Variants in CACNG5 observed in about 807,000 individuals in gnomAD.
CACNG5 encodes the protein calcium voltage-gated channel auxiliary subunit gamma 5, also known as voltage-dependent calcium channel gamma-5 subunit.
In CACNG5, 18 loss-of-function variants were observed where a neutral mutation model predicts 24.8. The observed-to-expected ratio is 0.73, with a 90% CI of 0.50 to 1.08. CACNG5 has a LOEUF of 1.08. Ranked by LOEUF, CACNG5 falls within the 50% of genes least tolerant of loss-of-function variation. The pLI, the probability that CACNG5 is intolerant of heterozygous loss-of-function variation, is 0.00. For missense variants in CACNG5, 349 were observed against 367.9 expected, an observed-to-expected ratio of 0.95 and a Z score of 0.42; for synonymous variants, 157 against 149.1, an observed-to-expected ratio of 1.05 and a Z score of -0.39.
At chr17:66,861,203 T>C (rs117958100) in intron 1 of CACNG5, among the ~76,000 whole-genome samples, 3,483 of 152,246 alleles carry the variant, frequency 0.023, 54 homozygotes, top group Non-Finnish European at 0.036. Context: ...CCAAGCTGTA[T>C]TGAAGTAAGG....
At chr17:66,856,255 G>A (rs145545536) in intron 1 of CACNG5, among the ~76,000 whole-genome samples, 106 of 152,352 alleles carry the variant, frequency 7.0e-4, no homozygotes, top group African/African-American at 2.4e-3. Flanking sequence ...CTTTCCAAAA[G>A]AGTGAAATAC....
intron 1 of CACNG5, among the ~76,000 whole-genome samples, chr17:66,854,346 T>A (rs1598049310): frequency 6.6e-6 from 1 of 150,932 alleles, no homozygotes; most frequent in Admixed American, 6.6e-5. Context: ...GAGAATGGCG[T>A]GAACCTGGGA....
At chr17:66,875,797 C>T (rs1012392860) in intron 1 of CACNG5, among the ~76,000 whole-genome samples, 1 of 152,194 alleles carries the variant, frequency 6.6e-6, no homozygotes, top group African/African-American at 2.4e-5. Flanking sequence ...TTGCAAGGTG[C>T]CAGTGAAAGA....
rs550467482 is a variant in CACNG5 at position 66,886,923 on chromosome 17, C to T, written c.*1683C>T. Among the ~76,000 whole-genome samples the T allele has an allele frequency of 2.6e-4, 40 of 152,282 alleles. 1 individual carries two copies. Among genetic ancestry groups the T allele is most frequent in the East Asian group, 1.5e-3 (8 of 5,174 alleles). On this transcript the variant is annotated 3_prime_UTR_variant, in exon 6 of 6. Coordinates refer to ENST00000533854, the MANE Select transcript of CACNG5 (RefSeq NM_145811.3). ...TGTGTCCTCATGTGGTCTGTGTGCC[C>T]GTGTCCCTGGTGTCCCTCAGTGTGT...
At position 66,888,411 on chromosome 17, in the gene CACNG5, G is replaced by T. The variant is rs532207430; in HGVS notation, c.*3171G>T. ...TACAAAAAATTAGCTGGGCGTGGTG[G>T]TGGGAGCCTGTAGTCCCAGCTACTT... On this transcript the variant is annotated 3_prime_UTR_variant, in exon 6 of 6. Transcript: ENST00000533854. 6.6e-6 allele frequency among the ~76,000 whole-genome samples: 1 copy of T among 151,780 alleles called. No individual in the cohort carries two copies. The highest frequency in any genetic ancestry group is 1.9e-4 in the East Asian group (1 of 5,130).
chr17:66,836,224 C>T (rs1976481456), intron 1 of CACNG5, among the ~76,000 whole-genome samples: 1 of 152,164 alleles, frequency 6.6e-6, no homozygotes, highest in African/African-American at 2.4e-5. Context: ...TGGGTTAGAG[C>T]AGGACCCAGG....
chr17:66,862,477 G>A (rs17712145), intron 1 of CACNG5, among the ~76,000 whole-genome samples: 17,433 of 151,844 alleles, frequency 0.11, 1,101 homozygotes, highest in Admixed American at 0.15. Context: ...GTGTGTATGC[G>A]AAAGTGCACA....
At chr17:66,869,873 A>G (rs1976978758) in intron 1 of CACNG5, among the ~76,000 whole-genome samples, 1 of 152,038 alleles carries the variant, frequency 6.6e-6, no homozygotes, top group African/African-American at 2.4e-5. Flanking sequence ...CACGAGGTCA[A>G]GAGATTGAGA....
intron 1 of CACNG5, among the ~76,000 whole-genome samples, chr17:66,867,654 G>A (rs1976948976): frequency 6.6e-6 from 1 of 152,154 alleles, no homozygotes; most frequent in African/African-American, 2.4e-5. Context: ...TGTATAAGGT[G>A]TAAGGAAGGG....
chr17:66,889,370 G>T lies in CACNG5; in HGVS notation c.*4130G>T, dbSNP rs532274972. Among the ~76,000 whole-genome samples, 19 of 152,160 alleles carry T rather than the reference G, an allele frequency of 1.2e-4. No homozygotes were observed. Among genetic ancestry groups the T allele is most frequent in the Admixed American group, 2.0e-4 (3 of 15,278 alleles). The stretch of plus-strand genomic sequence containing the variant: ...GGGCTGCATGCAGAGCTGGGGTGGG[G>T]GCGTGGGGGAAATCCATAGGTTGCC... On this transcript the variant is annotated 3_prime_UTR_variant, in exon 6 of 6. Transcript: ENST00000533854.
At chr17:66,882,129 G>A (rs1977167216) in intron 4 of CACNG5, among the ~76,000 whole-genome samples, 1 of 152,160 alleles carries the variant, frequency 6.6e-6, no homozygotes, top group African/African-American at 2.4e-5. Context: ...CAAACAGGGG[G>A]TTGATGGTGG....
rs749147771 is a variant in CACNG5, at chr17:66,890,792, C to T, written c.*5552C>T. Among the ~76,000 whole-genome samples, 13 of 151,938 alleles carry T rather than the reference C, an allele frequency of 8.6e-5. No individual in the cohort carries two copies. Among genetic ancestry groups the T allele is most frequent in the Non-Finnish European group, 1.8e-4 (12 of 67,954 alleles). On this transcript the variant is annotated 3_prime_UTR_variant, in exon 6 of 6. Transcript: ENST00000533854. The stretch of plus-strand genomic sequence containing the variant: ...AAAATCACCTCATCAGGCTCTATCC[C>T]CAGACTCTATACCCAACTCTAGAGG...
At chr17:66,879,593 C>T (rs1977130388) in intron 3 of CACNG5, among the ~76,000 whole-genome samples, 1 of 152,160 alleles carries the variant, frequency 6.6e-6, no homozygotes, top group Non-Finnish European at 1.5e-5. Context: ...AAGTGCTATA[C>T]TTACCATTCC....
rs562302812 is a variant in CACNG5 at position 66,892,548 on chromosome 17, C to T, written c.*7308C>T. ...TGTGCTCAGCAGTTGTGAAAAAGAA[C>T]AAGGCTCAAAGGCTTTAGAGGTTTC... On this transcript the variant is annotated 3_prime_UTR_variant, in exon 6 of 6. Transcript: ENST00000533854. Among the ~76,000 whole-genome samples the T allele has an allele frequency of 6.6e-6, 1 of 152,318 alleles. No individual in the cohort carries two copies. The highest frequency in any genetic ancestry group is 2.1e-4 in the South Asian group (1 of 4,832).
rs1976557994 is a variant in CACNG5 at position 66,840,935 on chromosome 17, C to A, written c.-104+5685C>A. Among the ~76,000 whole-genome samples, 5 of 152,164 alleles carry A rather than the reference C, an allele frequency of 3.3e-5. No individual in the cohort carries two copies. The South Asian group carries it at 1.0e-3, about 32-fold the overall frequency. ...GTGTGTCCTCCAGAGCCTGTGGCTTCTGATGATGATGGGATGTCACAGCCA... is the reference window on the plus strand; with the variant it reads ...GTGTGTCCTCCAGAGCCTGTGGCTTATGATGATGATGGGATGTCACAGCCA... On this transcript the variant is annotated intron_variant, in intron 1 of 5. Coordinates refer to ENST00000533854, the MANE Select transcript of CACNG5 (RefSeq NM_145811.3).
intron 1 of CACNG5, among the ~76,000 whole-genome samples, chr17:66,862,892 C>CTCTGTGTGTG (rs567913804): frequency 3.9e-4 from 56 of 142,252 alleles, no homozygotes; most frequent in Non-Finnish European, 3.7e-4. Flanking sequence ...AGCATATTCT[C>CTCTGTGTGTG]TGTGTGTGTG....
Position 66,884,501 on chromosome 17 carries a change from C to T in CACNG5, c.425-15C>T, listed in dbSNP as rs774331720. 147 of 1,596,664 alleles carry T rather than the reference C, an allele frequency of 9.2e-5. 2 individuals are homozygous for T. In the East Asian group the frequency reaches 3.3e-3, roughly 35 times the overall value. ...CTCTGGGCTGAGCATCCCCTCTCCC[C>T]TGCTGCCCAACCAGGCCTCTCTCTC... On this transcript the variant is annotated splice_polypyrimidine_tract_variant and intron_variant, in intron 4 of 5. Transcript: ENST00000533854.
chr17:66,863,339 TG>T (rs1976889915), intron 1 of CACNG5, among the ~76,000 whole-genome samples: 1 of 143,238 alleles, frequency 7.0e-6, no homozygotes, highest in African/African-American at 2.9e-5. Context: ...TCACACTCAC[TG>T]TTTTTTTTTG....
intron 4 of CACNG5, among the ~76,000 whole-genome samples, chr17:66,884,089 G>A (rs368180572): frequency 1.7e-4 from 25 of 149,832 alleles, no homozygotes; most frequent in African/African-American, 5.7e-4. Context: ...CCGAGATCGC[G>A]CCATTGCCCT....
Sources: gnomAD v4.1 joint callset for allele counts (sites outside exome capture counted in the v4.1 genomes callset) on GRCh38, gnomAD v4.1.1 for gene constraint, MANE v1.5 for transcripts, NCBI Gene and HGNC (gene_info 2026-07-23, HGNC 2026-07-21) for gene names.